ZSCAN30: variants seen among roughly 807,000 people sequenced by gnomAD.
ZSCAN30 encodes zinc finger and SCAN domain-containing protein 30.
A neutral mutation model predicts 44.3 loss-of-function variants in ZSCAN30; 37 were observed. That is an observed-to-expected ratio of 0.84 (90% confidence interval 0.64 to 1.10). The LOEUF (loss-of-function observed/expected upper bound fraction) is 1.10, where lower values mean the gene tolerates loss of function less well. Among genes scored for constraint, ZSCAN30 ranks in the 50% least tolerant of loss-of-function variants. The pLI, the probability that ZSCAN30 is intolerant of heterozygous loss-of-function variation, is 0.00. For synonymous variants in ZSCAN30, 181 were observed against 204.6 expected, an observed-to-expected ratio of 0.88 and a Z score of 0.98; for missense variants, 549 against 582.6, an observed-to-expected ratio of 0.94 and a Z score of 0.59.
chr18:35,253,399 C>T lies in ZSCAN30; in HGVS notation c.*51G>A, dbSNP rs1348241572. On this transcript the variant is annotated 3_prime_UTR_variant, in exon 4 of 4. Coordinates refer to ENST00000333206, the MANE Select transcript of ZSCAN30 (RefSeq NM_001112734.4). The stretch of plus-strand genomic sequence containing the variant: ...CTTTTCTTTTCTGTGGAGTCTCACC[C>T]CTACAGTGAACTCCTTGCATTTCAC... 6.8e-7 allele frequency: 1 copy of T among 1,470,990 alleles called. No homozygotes were observed. Among genetic ancestry groups the T allele is most frequent in the Non-Finnish European group, 9.2e-7 (1 of 1,092,296 alleles). The allele number at this position is 1,470,990 out of a possible 1,614,324, so 91.1% of individuals were successfully genotyped here. A position where few individuals can be genotyped will look rare whatever the true frequency, so the allele number is the denominator to read the frequency against.
intron 1 of ZSCAN30, among the ~76,000 whole-genome samples, chr18:35,279,052 A>G (rs1350317693): frequency 6.6e-6 from 1 of 152,124 alleles, no homozygotes; most frequent in African/African-American, 2.4e-5. Context: ...TCCTATTTCT[A>G]CAGTCTCTTC....
At chr18:35,268,566 A>T (rs553798555) in intron 1 of ZSCAN30, 1 of 152,294 alleles carries the variant, frequency 6.6e-6, no homozygotes, top group South Asian at 2.1e-4. Flanking sequence ...AACATCATAA[A>T]AACAACAGTG....
At chr18:35,286,775 T>C (rs1306274478) in intron 1 of ZSCAN30, among the ~76,000 whole-genome samples, 3 of 152,168 alleles carry the variant, frequency 2.0e-5, no homozygotes, top group African/African-American at 4.8e-5. Context: ...AACACTGATA[T>C]ACATAAAGAT....
rs1283595531 is a variant in ZSCAN30 at position 35,290,204 on chromosome 18, G to C, written c.-224C>G. On this transcript the variant is annotated 5_prime_UTR_variant, in exon 1 of 4. Coordinates refer to ENST00000333206, the MANE Select transcript of ZSCAN30 (RefSeq NM_001112734.4). ...AGGTCCCTGGCTAAGGCACTGCTAGGGACAGCTCGCGGCGGTTCGGGGGTT... is the reference window on the plus strand; with the variant it reads ...AGGTCCCTGGCTAAGGCACTGCTAGCGACAGCTCGCGGCGGTTCGGGGGTT... 1 of 152,280 alleles carries C rather than the reference G, an allele frequency of 6.6e-6. No individual in the cohort carries two copies. Among genetic ancestry groups the C allele is most frequent in the African/African-American group, 2.4e-5 (1 of 41,436 alleles). The allele number at this position is 152,280 out of a possible 1,614,324, so 9.4% of individuals were successfully genotyped here. A position where few individuals can be genotyped will look rare whatever the true frequency, so the allele number is the denominator to read the frequency against.
intron 1 of ZSCAN30, among the ~76,000 whole-genome samples, chr18:35,275,048 A>G (rs887977083): frequency 1.3e-5 from 2 of 152,210 alleles, no homozygotes; most frequent in African/African-American, 2.4e-5. Flanking sequence ...TACAAATTTT[A>G]CAAAAAGTTT....
At position 35,264,213 on chromosome 18, in the gene ZSCAN30, A is replaced by T; in HGVS notation, c.140T>A (p.Phe47Tyr). ...LQENPWSQEV[F>Y]RQKFRQFSYS... Reference sequence around the variant, plus strand: ...ACTAAACTGCCTGAACTTCTGCCGGAATACCTCTTGGCTCCAGGGGTTTTC... The same window carrying T: ...ACTAAACTGCCTGAACTTCTGCCGGTATACCTCTTGGCTCCAGGGGTTTTC... Residue 47 changes from phenylalanine (F) to tyrosine (Y), a missense_variant, in exon 2 of 4, where the codon TTC becomes TAC. By Grantham distance (22) the Phe-to-Tyr change is conservative. Transcript: ENST00000333206. The T allele has an allele frequency of 1.9e-6, 3 of 1,614,164 alleles. No homozygotes were observed. Among genetic ancestry groups the T allele is most frequent in the Non-Finnish European group, 2.5e-6 (3 of 1,180,024 alleles).
intron 1 of ZSCAN30, among the ~76,000 whole-genome samples, chr18:35,280,120 A>G (rs1415715243): frequency 6.6e-6 from 1 of 152,116 alleles, no homozygotes; most frequent in African/African-American, 2.4e-5. Context: ...ACAAAAAAAT[A>G]GAAAAATTAG....
chr18:35,253,543 A>G lies in ZSCAN30; in HGVS notation c.1392T>C (p.Thr464=). 1 of 1,613,942 alleles carries G rather than the reference A, an allele frequency of 6.2e-7. No homozygotes were observed. Among genetic ancestry groups the G allele is most frequent in the Non-Finnish European group, 8.5e-7 (1 of 1,179,856 alleles). Residue 464 remains threonine, a synonymous_variant, in exon 4 of 4, where the codon ACT becomes ACC. Coordinates refer to ENST00000333206, the MANE Select transcript of ZSCAN30 (RefSeq NM_001112734.4). ...CACTACATTCATAAGGCTTCTCTCC[A>G]GTGTGAATTCTCTGGTGCTGGGTGA... The part of the protein sequence containing the change: ...SALTQHQRIH[T]GEKPYECSEC...
Position 35,251,165 on chromosome 18 carries a change from CAGT to C in ZSCAN30, c.*2282_*2284del, listed in dbSNP as rs572200613. 7.9e-5 allele frequency: 12 copies of C among 152,224 alleles called. No homozygotes were observed. In the South Asian group the frequency reaches 2.3e-3, roughly 29 times the overall value. The allele number at this position is 152,224 out of a possible 1,614,324, so 9.4% of individuals were successfully genotyped here. A position where few individuals can be genotyped will look rare whatever the true frequency, so the allele number is the denominator to read the frequency against. ...TAGTTACCAAAAATCATTTACTAAACAGTAGTTTTACTAAAAATACTAGGATTG... is the reference window on the plus strand; with the variant it reads ...TAGTTACCAAAAATCATTTACTAAACAGTTTTACTAAAAATACTAGGATTG... On this transcript the variant is annotated 3_prime_UTR_variant, in exon 4 of 4. Transcript: ENST00000333206.
At position 35,277,938 on chromosome 18, in the gene ZSCAN30, A is replaced by AT. The variant is rs926725052; in HGVS notation, c.-104+12145dup. On this transcript the variant is annotated intron_variant, in intron 1 of 3. Transcript: ENST00000333206. Reference sequence around the variant, plus strand: ...TAAGGTGGAAGCTTAGGTTTAGATAATTTTTTTTCTAAAATAGACATATTA... The same window carrying AT: ...TAAGGTGGAAGCTTAGGTTTAGATAATTTTTTTTTCTAAAATAGACATATTA... 5.3e-5 allele frequency among the ~76,000 whole-genome samples: 8 copies of AT among 151,930 alleles called. No homozygotes were observed. In the South Asian group the frequency reaches 6.2e-4, roughly 12 times the overall value.
chr18:35,287,574 C>CAAAAAAAA (rs59300208), intron 1 of ZSCAN30, among the ~76,000 whole-genome samples: 8 of 94,652 alleles, frequency 8.5e-5, no homozygotes, highest in African/African-American at 2.2e-4. Flanking sequence ...ATCCACATAC[C>CAAAAAAAA]AAAAAAAAAA....
chr18:35,276,425 G>A lies in ZSCAN30; in HGVS notation c.-103-11970C>T, dbSNP rs2044368316. ...TTCACAGCAGCCCCTCCCATCACAG[G>A]GCTTGGGGCTTAGGAGGAAAAAATG... On this transcript the variant is annotated intron_variant, in intron 1 of 3. Coordinates refer to ENST00000333206, the MANE Select transcript of ZSCAN30 (RefSeq NM_001112734.4). Among the ~76,000 whole-genome samples, 3 of 152,252 alleles carry A rather than the reference G, an allele frequency of 2.0e-5. No individual in the cohort carries two copies. The South Asian group carries it at 6.2e-4, about 32-fold the overall frequency.
In ZSCAN30 at chr18:35,264,356, G is replaced by T. The variant is rs930902068; in HGVS notation, c.-4C>A. ...AGACTGTGGCCTCTCCTGACATTCT[G>T]GGCAGAGACAGTCTGAAAAGGCTGC... On this transcript the variant is annotated 5_prime_UTR_variant, in exon 2 of 4. Coordinates refer to ENST00000333206, the MANE Select transcript of ZSCAN30 (RefSeq NM_001112734.4). 1 of 1,608,398 alleles carries T rather than the reference G, an allele frequency of 6.2e-7. No homozygotes were observed. Among genetic ancestry groups the T allele is most frequent in the South Asian group, 1.1e-5 (1 of 90,724 alleles).
chr18:35,285,160 C>G (rs1366388485), intron 1 of ZSCAN30: 1 of 152,838 alleles, frequency 6.5e-6, no homozygotes, highest in Admixed American at 6.5e-5. Flanking sequence ...GCCTGGGCAA[C>G]AGAGTGAGAG....
rs184745573 is a variant in ZSCAN30 at position 35,251,799 on chromosome 18, T to C, written c.*1651A>G. 14 of 147,418 alleles carry C rather than the reference T, an allele frequency of 9.5e-5. No individual in the cohort carries two copies. Among genetic ancestry groups the C allele is most frequent in the African/African-American group, 3.5e-4 (14 of 39,934 alleles). The allele number at this position is 147,418 out of a possible 1,614,324, so 9.1% of individuals were successfully genotyped here. On this transcript the variant is annotated 3_prime_UTR_variant, in exon 4 of 4. Transcript: ENST00000333206. Reference sequence around the variant, plus strand: ...AGAACTGTCAGTCAATTAAACCTCTTTTTTTTTTTTAATAAATTACCCAGT... The same window carrying C: ...AGAACTGTCAGTCAATTAAACCTCTCTTTTTTTTTTAATAAATTACCCAGT...
intron 1 of ZSCAN30, chr18:35,281,398 C>T (rs3810022): frequency 0.85 from 129,599 of 152,130 alleles, 55,963 homozygotes; most frequent in Non-Finnish European, 0.93. Flanking sequence ...ACACAGAAAG[C>T]AACATCTCTG....
intron 1 of ZSCAN30, among the ~76,000 whole-genome samples, chr18:35,287,367 A>T (rs2044569715): frequency 6.6e-6 from 1 of 152,138 alleles, no homozygotes; most frequent in Admixed American, 6.5e-5. Flanking sequence ...AAACAACAAA[A>T]TTAGAGGTCT....
intron 3 of ZSCAN30, 67 bp downstream of exon 3, chr18:35,263,446 A>G: frequency 6.3e-7 from 1 of 1,589,570 alleles, no homozygotes. Flanking sequence ...CGTTAAGAAA[A>G]TGAACCGTGC....
intron 3 of ZSCAN30, chr18:35,255,662 A>G (rs1349808529): frequency 1.3e-5 from 2 of 154,366 alleles, no homozygotes; most frequent in Non-Finnish European, 2.9e-5. Flanking sequence ...TCTGATATTA[A>G]GTTCACAACA....
Sources: allele counts gnomAD v4.1 joint callset (sites outside exome capture counted in the v4.1 genomes callset), GRCh38; gene constraint gnomAD v4.1.1; transcripts MANE v1.5; gene names NCBI Gene and HGNC (gene_info 2026-07-23, HGNC 2026-07-21).